The following PTPRD variants were observed in gnomAD, a reference collection of about 807,000 sequenced individuals.
PTPRD encodes receptor-type tyrosine-protein phosphatase delta.
A neutral mutation model predicts 214.5 loss-of-function variants in PTPRD; 34 were observed. The ratio of observed to expected loss-of-function variants is 0.16; its 90% CI spans 0.12 to 0.21. The LOEUF is 0.21. PTPRD is among the 10% of genes least tolerant of loss of function. The probability of loss-of-function intolerance (pLI) is 1.00; values close to 1 mark genes in which losing one functional copy is unlikely to be tolerated. For missense variants in PTPRD, 2,545 were observed against 2,398.7 expected (o/e 1.06, Z -1.27); for synonymous variants, 1,128 against 845.7 (o/e 1.33, Z -5.79).
intron 8 of PTPRD, among the ~76,000 whole-genome samples, chr9:9,532,830 T>C (rs1382202498): frequency 2.6e-5 from 4 of 152,182 alleles, no homozygotes; most frequent in Non-Finnish European, 1.5e-5. Context: ...AACTGTCAAA[T>C]TATCTTCATA....
intron 2 of PTPRD, among the ~76,000 whole-genome samples, chr9:10,587,083 C>T (rs190996572): frequency 2.0e-5 from 3 of 152,116 alleles, no homozygotes; most frequent in Admixed American, 2.0e-4. Flanking sequence ...CAACAAATCA[C>T]ATGAGGTGTT....
intron 11 of PTPRD, among the ~76,000 whole-genome samples, chr9:8,997,502 G>C (rs1270399351): frequency 7.2e-5 from 11 of 152,096 alleles, no homozygotes; most frequent in Non-Finnish European, 2.9e-5. Context: ...ATAAGAGACA[G>C]TGAGTTTAAC....
chr9:9,485,324 G>A (rs912823011), intron 8 of PTPRD, among the ~76,000 whole-genome samples: 1 of 152,108 alleles, frequency 6.6e-6, no homozygotes, highest in Non-Finnish European at 1.5e-5. Flanking sequence ...AGGCTTTAGA[G>A]TACTAAATTT....
At chr9:10,462,926 G>C (rs1363500048) in intron 2 of PTPRD, among the ~76,000 whole-genome samples, 2 of 150,096 alleles carry the variant, frequency 1.3e-5, no homozygotes, top group African/African-American at 4.9e-5. Flanking sequence ...TATTTGAAAA[G>C]AGAACAGTTT....
chr9:8,975,832 T>C (rs892491752), intron 11 of PTPRD, among the ~76,000 whole-genome samples: 1 of 151,724 alleles, frequency 6.6e-6, no homozygotes, highest in African/African-American at 2.4e-5. Flanking sequence ...CCAAAATTGA[T>C]ATTAAATGAT....
intron 3 of PTPRD, among the ~76,000 whole-genome samples, chr9:10,311,004 A>T (rs192772476): frequency 6.6e-6 from 1 of 151,662 alleles, no homozygotes; most frequent in East Asian, 1.9e-4. Context: ...TTGATTGCAA[A>T]CTTCATTTGG....
intron 3 of PTPRD, among the ~76,000 whole-genome samples, chr9:10,266,834 G>T (rs539625455): frequency 6.6e-6 from 1 of 152,218 alleles, no homozygotes; most frequent in Non-Finnish European, 1.5e-5. Context: ...GAACATTCTG[G>T]AAGTTGTCAA....
chr9:8,439,114 A>G (rs1242057443), intron 34 of PTPRD, among the ~76,000 whole-genome samples: 1 of 152,208 alleles, frequency 6.6e-6, no homozygotes, highest in Non-Finnish European at 1.5e-5. Flanking sequence ...CTCCATTTCT[A>G]AGACAAGTAA....
At chr9:9,131,054 A>G (rs2099841821) in intron 10 of PTPRD, among the ~76,000 whole-genome samples, 1 of 152,146 alleles carries the variant, frequency 6.6e-6, no homozygotes, top group Admixed American at 6.5e-5. Flanking sequence ...CTTTTGTAGG[A>G]TGGAAAAGTC....
intron 2 of PTPRD, among the ~76,000 whole-genome samples, chr9:10,386,815 T>C (rs1177305863): frequency 6.6e-6 from 1 of 151,814 alleles, no homozygotes; most frequent in Admixed American, 6.6e-5. Flanking sequence ...GAGTATGTTA[T>C]ATTAGGTGTA....
chr9:10,349,531 G>C (rs1250244809), intron 2 of PTPRD, among the ~76,000 whole-genome samples: 2 of 152,040 alleles, frequency 1.3e-5, no homozygotes, highest in East Asian at 3.9e-4. Flanking sequence ...CTCTCTATTT[G>C]ATGTCCTGTG....
intron 6 of PTPRD, among the ~76,000 whole-genome samples, chr9:9,736,831 C>T (rs1053083835): frequency 2.0e-5 from 3 of 151,870 alleles, no homozygotes; most frequent in South Asian, 2.1e-4. Context: ...ATTCTAGATG[C>T]GAGTCCTTTG....
chr9:8,481,397 T>G (rs972963980), intron 30 of PTPRD, among the ~76,000 whole-genome samples: 7 of 152,316 alleles, frequency 4.6e-5, no homozygotes, highest in Middle Eastern at 6.8e-3. Context: ...TTAGGATGTG[T>G]ATCAGGTCTG....
At chr9:9,712,790 A>G (rs1013402317) in intron 7 of PTPRD, among the ~76,000 whole-genome samples, 1 of 152,224 alleles carries the variant, frequency 6.6e-6, no homozygotes, top group Non-Finnish European at 1.5e-5. Context: ...TACCTAAGAA[A>G]TGCCTTAAAA....
chr9:8,333,437 G>C (rs1474685990), intron 43 of PTPRD, among the ~76,000 whole-genome samples: 2 of 151,938 alleles, frequency 1.3e-5, no homozygotes, highest in African/African-American at 2.4e-5. Context: ...ACCCAGAATT[G>C]CATATCCAGC....
intron 2 of PTPRD, among the ~76,000 whole-genome samples, chr9:10,351,722 G>GA (rs376344149): frequency 1.0e-4 from 15 of 144,924 alleles, no homozygotes; most frequent in East Asian, 4.0e-4. Context: ...ATTTGCACTA[G>GA]AAAAAAAAAT....
intron 3 of PTPRD, among the ~76,000 whole-genome samples, chr9:10,096,583 G>GT (rs912406116): frequency 6.6e-6 from 1 of 151,960 alleles, no homozygotes; most frequent in Non-Finnish European, 1.5e-5. Context: ...TTTTGATGGG[G>GT]TTTTTTGTTT....
At chr9:9,624,237 G>A (rs756271162) in intron 7 of PTPRD, among the ~76,000 whole-genome samples, 4 of 151,726 alleles carry the variant, frequency 2.6e-5, no homozygotes, top group Non-Finnish European at 4.4e-5. Context: ...TCTGCTGGTT[G>A]ACTATTTCTA....
At chr9:9,392,406 C>A (rs1196590848) in intron 9 of PTPRD, among the ~76,000 whole-genome samples, 1 of 152,110 alleles carries the variant, frequency 6.6e-6, no homozygotes, top group Non-Finnish European at 1.5e-5. Flanking sequence ...AAATCAAGAT[C>A]TTTTCTGCAT....
Sources: allele counts gnomAD v4.1 joint callset (sites outside exome capture counted in the v4.1 genomes callset), GRCh38; gene constraint gnomAD v4.1.1; transcripts MANE v1.5; gene names NCBI Gene and HGNC (gene_info 2026-07-23, HGNC 2026-07-21).